The following PCDHA5 variants were observed in gnomAD, a reference collection of about 807,000 sequenced individuals.
PCDHA5 encodes the protein protocadherin alpha-5.
A neutral mutation model predicts 61.6 loss-of-function variants in PCDHA5; 43 were observed. The ratio of observed to expected loss-of-function variants is 0.70; its 90% CI spans 0.55 to 0.90. The LOEUF (loss-of-function observed/expected upper bound fraction) is 0.90, where lower values mean the gene tolerates loss of function less well. PCDHA5 is among the 40% of genes least tolerant of loss of function. The pLI, the probability that PCDHA5 is intolerant of heterozygous loss-of-function variation, is 0.00. For missense variants in PCDHA5, 1,298 were observed against 1,222.7 expected (o/e 1.06, Z -0.92); for synonymous variants, 627 against 543.9 (o/e 1.15, Z -2.13).
intron 1 of PCDHA5, chr5:140,830,111 C>T: frequency 1.2e-6 from 2 of 1,613,576 alleles, no homozygotes; most frequent in Non-Finnish European, 1.7e-6. Context: ...GGAGAGTGGC[C>T]AGGCTCCAAA....
At chr5:140,856,926 G>A (rs782283116) in intron 1 of PCDHA5, 1 of 1,594,828 alleles carries the variant, frequency 6.3e-7, no homozygotes, top group South Asian at 1.1e-5. Context: ...AGGAAATTTT[G>A]GATAAACGAA....
At position 140,823,895 on chromosome 5, in the gene PCDHA5, C is replaced by G; in HGVS notation, c.2120C>G (p.Ser707Cys). The G allele has an allele frequency of 6.2e-7, 1 of 1,613,974 alleles. No individual in the cohort carries two copies. The highest frequency in any genetic ancestry group is 8.5e-7 in the Non-Finnish European group (1 of 1,179,944). Residue 707 changes from serine (S) to cysteine (C), a missense_variant, in exon 1 of 4, where the codon TCC becomes TGC. Coordinates refer to ENST00000529859, the MANE Select transcript of PCDHA5 (RefSeq NM_018908.3). ...VYLIIAICAV[S>C]SLLVLTLLLY... is the part of the protein sequence containing the mutation. Reference sequence around the variant, plus strand: ...CTGATCATCGCCATCTGTGCGGTGTCCAGCCTGCTGGTGCTCACGCTGCTG... The same window carrying G: ...CTGATCATCGCCATCTGTGCGGTGTGCAGCCTGCTGGTGCTCACGCTGCTG...
At chr5:140,935,676 A>G (rs1168512325) in intron 1 of PCDHA5, among the ~76,000 whole-genome samples, 1 of 152,166 alleles carries the variant, frequency 6.6e-6, no homozygotes, top group Non-Finnish European at 1.5e-5. Context: ...TATGTGAAAT[A>G]TTTACATGGC....
chr5:140,989,552 G>A (rs975079697), intron 3 of PCDHA5, among the ~76,000 whole-genome samples: 33 of 152,180 alleles, frequency 2.2e-4, no homozygotes, highest in African/African-American at 7.7e-4. Context: ...ATTCCTTTAC[G>A]TTTTGTGGCT....
chr5:140,891,226 C>T (rs1417836006), intron 1 of PCDHA5, among the ~76,000 whole-genome samples: 1 of 152,026 alleles, frequency 6.6e-6, no homozygotes, highest in Admixed American at 6.6e-5. Flanking sequence ...TTATAATCAT[C>T]CTGTTCTGGA....
At chr5:140,875,893 C>T (rs781840611) in intron 1 of PCDHA5, 1 of 1,614,140 alleles carries the variant, frequency 6.2e-7, no homozygotes, top group Non-Finnish European at 8.5e-7. Flanking sequence ...ACAAAAGGTA[C>T]CTGTTTCTGA....
chr5:141,000,839 C>G (rs1194048512), intron 3 of PCDHA5, among the ~76,000 whole-genome samples: 1 of 151,970 alleles, frequency 6.6e-6, no homozygotes, highest in Admixed American at 6.6e-5. Flanking sequence ...TCCAGGAGAT[C>G]CAGTCTGGCA....
intron 1 of PCDHA5, chr5:140,828,079 A>C: frequency 6.3e-7 from 1 of 1,579,036 alleles, no homozygotes; most frequent in Non-Finnish European, 8.6e-7. Context: ...AAATAAAACC[A>C]GAGGTATTTG....
chr5:140,871,092 C>T lies in PCDHA5; in HGVS notation c.2352+46965C>T, dbSNP rs575877743. 10 of 1,613,260 alleles carry T rather than the reference C, an allele frequency of 6.2e-6. No homozygotes were observed. The Admixed American group carries it at 8.3e-5, about 13-fold the overall frequency. ...AGCCGGCGCTGACGGCCACGGCCAC[C>T]GTGCTGGTGTCGTTGGTGGAGAGCG... is the stretch of plus-strand genomic sequence containing the variant. On this transcript the variant is annotated intron_variant, in intron 1 of 3. Transcript: ENST00000529859.
Position 140,830,107 on chromosome 5 carries a change from T to C in PCDHA5, c.2352+5980T>C, listed in dbSNP as rs2150181234. The C allele has an allele frequency of 3.1e-6, 5 of 1,612,600 alleles. No homozygotes were observed. The East Asian group carries it at 6.7e-5, about 22-fold the overall frequency. On this transcript the variant is annotated intron_variant, in intron 1 of 3. Transcript: ENST00000529859. ...CGGTTCTGGTGTCGCTGGTGGAGAG[T>C]GGCCAGGCTCCAAAGGCGTCATCAC... is the stretch of plus-strand genomic sequence containing the variant.
At chr5:140,877,471 G>T (rs2057146762) in intron 1 of PCDHA5, 1 of 1,613,828 alleles carries the variant, frequency 6.2e-7, no homozygotes, top group South Asian at 1.1e-5. Flanking sequence ...CACGGTGCTG[G>T]TGTCGCTGGT....
chr5:140,872,373 T>C (rs1437548177), intron 1 of PCDHA5, among the ~76,000 whole-genome samples: 3 of 152,182 alleles, frequency 2.0e-5, no homozygotes, highest in African/African-American at 4.8e-5. Flanking sequence ...AGGCCTGTAA[T>C]CCCAGCTATT....
At chr5:140,867,461 T>C (rs1197194209) in intron 1 of PCDHA5, 1 of 152,126 alleles carries the variant, frequency 6.6e-6, no homozygotes, top group African/African-American at 2.4e-5. Context: ...TCTAGTGTTA[T>C]GACAACATTG....
chr5:140,936,867 T>TA (rs1471990778), intron 1 of PCDHA5, among the ~76,000 whole-genome samples: 5 of 152,214 alleles, frequency 3.3e-5, no homozygotes, highest in Admixed American at 2.6e-4. Context: ...GTTTCTATTT[T>TA]AAAAAACCCT....
chr5:140,905,334 C>A (rs2071752505), intron 1 of PCDHA5, among the ~76,000 whole-genome samples: 1 of 152,144 alleles, frequency 6.6e-6, no homozygotes, highest in East Asian at 1.9e-4. Context: ...TGTTGAAGAT[C>A]AGTTGGCTGT....
chr5:140,928,790 G>GGGT, intron 1 of PCDHA5: 2 of 1,614,176 alleles, frequency 1.2e-6, no homozygotes, highest in Non-Finnish European at 1.7e-6. Context: ...GTTAAGCAGA[G>GGGT]GGTGGTGGTA....
Position 140,844,237 on chromosome 5 carries a change from T to C in PCDHA5, c.2352+20110T>C, listed in dbSNP as rs1453017413. Among the ~76,000 whole-genome samples the C allele has an allele frequency of 2.7e-5, 4 of 149,830 alleles. 1 individual carries two copies. The highest frequency in any genetic ancestry group is 4.2e-4 in the South Asian group (2 of 4,726). On this transcript the variant is annotated intron_variant, in intron 1 of 3. Coordinates refer to ENST00000529859, the MANE Select transcript of PCDHA5 (RefSeq NM_018908.3). ...CACAAATATCTTTGGTGTTTCACTA[T>C]TGCCGTTTTAAGCAGTGTAGTGATA...
chr5:140,982,071 G>A (rs1484711558), intron 2 of PCDHA5, among the ~76,000 whole-genome samples: 12 of 151,172 alleles, frequency 7.9e-5, no homozygotes, highest in Admixed American at 7.9e-4. Flanking sequence ...TTCTTCTTTA[G>A]AGTAGAGAAC....
chr5:140,975,201 A>G (rs1253516142), intron 1 of PCDHA5, among the ~76,000 whole-genome samples: 1 of 152,144 alleles, frequency 6.6e-6, no homozygotes, highest in Non-Finnish European at 1.5e-5. Context: ...CTCCATCTTC[A>G]TGGCTGGCAC....
Sources: gnomAD v4.1 joint callset for allele counts (sites outside exome capture counted in the v4.1 genomes callset) on GRCh38, gnomAD v4.1.1 for gene constraint, MANE v1.5 for transcripts, NCBI Gene and HGNC (gene_info 2026-07-23, HGNC 2026-07-21) for gene names.